ENTPD1: variants seen among roughly 807,000 people sequenced by gnomAD.
The protein encoded by ENTPD1 is ectonucleoside triphosphate diphosphohydrolase 1.
In ENTPD1, 33 loss-of-function variants were observed where a neutral mutation model predicts 57.0. The observed-to-expected ratio is 0.58, with a 90% confidence interval of 0.44 to 0.77. The LOEUF is 0.77. Ranked by LOEUF, ENTPD1 falls within the 30% of genes least tolerant of loss-of-function variation. The pLI, the probability that ENTPD1 is intolerant of heterozygous loss-of-function variation, is 0.00. For synonymous variants in ENTPD1, 202 were observed against 218.8 expected (o/e 0.92, Z 0.68); for missense variants, 501 against 603.4 (o/e 0.83, Z 1.78).
chr10:95,839,736 A>G lies in ENTPD1; in HGVS notation c.190A>G (p.Ile64Val), dbSNP rs771870812. The stretch of plus-strand genomic sequence containing the variant: ...GGGTTCTTCTCACACAAGTTTATAC[A>G]TCTATAAGTGGCCAGCAGAAAAGGA... ...DAGSSHTSLY[I>V]YKWPAEKEND... Residue 64 changes from isoleucine (I) to valine (V), a missense_variant, in exon 3 of 10, where the codon ATC (isoleucine) becomes GTC (valine). Physicochemically the swap from Ile to Val is conservative, Grantham distance 29. Coordinates refer to ENST00000371205, the MANE Select transcript of ENTPD1 (RefSeq NM_001776.6). 33 of 1,614,016 alleles carry G rather than the reference A, an allele frequency of 2.0e-5. No homozygotes were observed. Among genetic ancestry groups the G allele is most frequent in the Non-Finnish European group, 2.7e-5 (32 of 1,180,038 alleles).
chr10:95,873,400 C>T lies in ENTPD1; in HGVS notation c.*7017C>T. 1.0e-6 allele frequency: 1 copy of T among 985,628 alleles called. No homozygotes were observed. Among genetic ancestry groups the T allele is most frequent in the Non-Finnish European group, 1.2e-6 (1 of 830,086 alleles). 61.1% of individuals were successfully genotyped at this position (985,628 alleles called of 1,614,324 possible). The stretch of plus-strand genomic sequence containing the variant: ...CTCTCTGCCTTGCCTTGCCCTCTGC[C>T]TTTGGAGACCAGCACCTCATACTCA... On this transcript the variant is annotated 3_prime_UTR_variant, in exon 10 of 10. Transcript: ENST00000371205.
At chr10:95,769,234 C>T (rs1589745953) in intron 1 of ENTPD1, among the ~76,000 whole-genome samples, 1 of 152,226 alleles carries the variant, frequency 6.6e-6, no homozygotes, top group Non-Finnish European at 1.5e-5. Context: ...TCCTTCCCCA[C>T]TGAGAGCAAA....
chr10:95,871,061 C>T lies in ENTPD1; in HGVS notation c.*4678C>T. On this transcript the variant is annotated 3_prime_UTR_variant, in exon 10 of 10. Coordinates refer to ENST00000371205, the MANE Select transcript of ENTPD1 (RefSeq NM_001776.6). ...CTAGGATGCCTCTTAAGGTCTTGGTCAGGATGGGGTCTCCTGTCACTTCTG... is the reference window on the plus strand; with the variant it reads ...CTAGGATGCCTCTTAAGGTCTTGGTTAGGATGGGGTCTCCTGTCACTTCTG... 1.0e-6 allele frequency: 1 copy of T among 984,978 alleles called. No individual in the cohort carries two copies. Among genetic ancestry groups the T allele is most frequent in the Non-Finnish European group, 1.2e-6 (1 of 829,914 alleles). 61.0% of individuals were successfully genotyped at this position (984,978 alleles called of 1,614,324 possible). A position where few individuals can be genotyped will look rare whatever the true frequency, so the allele number is the denominator to read the frequency against.
the ENTPD1 span, among the ~76,000 whole-genome samples, chr10:95,695,869 C>T: frequency 4.3e-4 from 65 of 152,098 alleles, no homozygotes; most frequent in African/African-American, 1.5e-3. Context: ...TAGAATTAAT[C>T]CTTAGGAATA....
At chr10:95,790,218 A>G (rs2098197927) in intron 1 of ENTPD1, among the ~76,000 whole-genome samples, 1 of 152,216 alleles carries the variant, frequency 6.6e-6, no homozygotes, top group African/African-American at 2.4e-5. Flanking sequence ...CATATCGATA[A>G]ATACAGTACA....
chr10:95,788,326 G>T (rs1473857738), intron 1 of ENTPD1, among the ~76,000 whole-genome samples: 1 of 152,050 alleles, frequency 6.6e-6, no homozygotes, highest in African/African-American at 2.4e-5. Context: ...GGCTTTAAAA[G>T]ATGAGTCTAG....
At chr10:95,718,435 C>T (rs747963648) in intron 1 of ENTPD1, among the ~76,000 whole-genome samples, 17 of 151,978 alleles carry the variant, frequency 1.1e-4, no homozygotes, top group Non-Finnish European at 2.4e-4. Flanking sequence ...CTTCTATTTC[C>T]CTTTCCTTTC....
rs925971883 is a variant in ENTPD1 at position 95,735,103 on chromosome 10, C to T, written c.37+23110C>T. On this transcript the variant is annotated intron_variant, in intron 1 of 9. Transcript: ENST00000453258. ...CTGGAGTGCAGTGGCACAATCTTGG[C>T]TCACTGCAGCCTCCACCTCCATGGT... 2.7e-5 allele frequency among the ~76,000 whole-genome samples: 4 copies of T among 148,138 alleles called. No homozygotes were observed. In the Admixed American group the frequency reaches 2.7e-4, roughly 10 times the overall value.
At chr10:95,780,583 A>G (rs540902718) in intron 1 of ENTPD1, among the ~76,000 whole-genome samples, 17 of 152,352 alleles carry the variant, frequency 1.1e-4, no homozygotes, top group African/African-American at 2.9e-4. Flanking sequence ...TGTAAATAGA[A>G]TATCTATGGA....
At chr10:95,798,086 G>C (rs2098233899) in intron 1 of ENTPD1, among the ~76,000 whole-genome samples, 1 of 152,176 alleles carries the variant, frequency 6.6e-6, no homozygotes, top group Non-Finnish European at 1.5e-5. Flanking sequence ...CAAAGTAGGG[G>C]AAGTAGGATG....
At chr10:95,830,073 C>T (rs1366466523) in intron 2 of ENTPD1, among the ~76,000 whole-genome samples, 1 of 152,120 alleles carries the variant, frequency 6.6e-6, no homozygotes. Flanking sequence ...GACTTCATAG[C>T]TTCTAGAACT....
chr10:95,733,911 G>T (rs1234901717), intron 1 of ENTPD1, among the ~76,000 whole-genome samples: 1 of 152,194 alleles, frequency 6.6e-6, no homozygotes, highest in Non-Finnish European at 1.5e-5. Context: ...TACCTTTGAA[G>T]ACCAAGAAAG....
At chr10:95,756,069 G>A (rs1375753512), upstream of ENTPD1, 1 of 1,503,456 alleles carries the variant, frequency 6.7e-7, no homozygotes, top group African/African-American at 1.4e-5. Context: ...AAAAGACAGG[G>A]TTTGAGGTTC....
intron 8 of ENTPD1, chr10:95,861,615 A>G (rs2098465474): frequency 6.6e-6 from 1 of 152,114 alleles, no homozygotes; most frequent in Non-Finnish European, 1.5e-5. Context: ...TTGCTCAAAT[A>G]TGTCTCAGCA....
intron 2 of ENTPD1, among the ~76,000 whole-genome samples, chr10:95,834,104 A>T (rs367660757): frequency 2.8e-4 from 43 of 152,212 alleles, no homozygotes; most frequent in African/African-American, 1.0e-3. Context: ...AATGAATATT[A>T]ACCTCTTTTA....
chr10:95,849,245 C>T (rs1264456035), intron 7 of ENTPD1, among the ~76,000 whole-genome samples: 2 of 152,184 alleles, frequency 1.3e-5, no homozygotes, highest in African/African-American at 4.8e-5. Flanking sequence ...GTCCCAGAGG[C>T]TGAGCATTAT....
At chr10:95,723,817 A>C in intron 1 of ENTPD1, among the ~76,000 whole-genome samples, 1 of 152,212 alleles carries the variant, frequency 6.6e-6, no homozygotes, top group Non-Finnish European at 1.5e-5. Context: ...GCGGAAGCTG[A>C]TTCTAGGCAG....
intron 1 of ENTPD1, among the ~76,000 whole-genome samples, chr10:95,727,967 T>C (rs886300263): frequency 1.3e-5 from 2 of 152,254 alleles, no homozygotes; most frequent in Non-Finnish European, 2.9e-5. Context: ...TAAGTTATTA[T>C]CCTTCCCATC....
intron 7 of ENTPD1, among the ~76,000 whole-genome samples, chr10:95,857,410 T>G (rs2098457026): frequency 6.6e-6 from 1 of 152,246 alleles, no homozygotes; most frequent in South Asian, 2.1e-4. Context: ...GCTCTAGGAT[T>G]AATTTCAGAA....
Sources: gnomAD v4.1 joint callset for allele counts (sites outside exome capture counted in the v4.1 genomes callset) on GRCh38, gnomAD v4.1.1 for gene constraint, MANE v1.5 for transcripts, NCBI Gene and HGNC (gene_info 2026-07-23, HGNC 2026-07-21) for gene names.